Variants in GOLGA3 observed in about 807,000 individuals in gnomAD.
GOLGA3 encodes golgin subfamily A member 3.
In GOLGA3, 75 loss-of-function variants were observed where a neutral mutation model predicts 169.4. The observed-to-expected ratio is 0.44, with a 90% CI of 0.37 to 0.54. GOLGA3 has a LOEUF of 0.54. Among genes scored for constraint, GOLGA3 ranks in the 20% least tolerant of loss-of-function variants. The pLI is 0.00. For missense variants in GOLGA3, 1,899 were observed against 1,930.0 expected (o/e 0.98, Z 0.30); for synonymous variants, 824 against 822.4 (o/e 1.00, Z -0.03).
At position 132,786,803 on chromosome 12, in the gene GOLGA3, A is replaced by C. The variant is rs1337025880; in HGVS notation, c.2812-16T>G. ...ACTGCAACGACTGTGGAAGGGAAGG[A>C]GGGCGTGAGGAGCGGCACTGCCACC... On this transcript the variant is annotated splice_polypyrimidine_tract_variant and intron_variant, in intron 13 of 23. Coordinates refer to ENST00000450791, the MANE Select transcript of GOLGA3 (RefSeq NM_001389683.1). 2 of 1,557,736 alleles carry C rather than the reference A, an allele frequency of 1.3e-6. No homozygotes were observed. The highest frequency in any genetic ancestry group is 2.7e-5 in the African/African-American group (2 of 73,730).
chr12:132,769,018 C>G lies in GOLGA3; in HGVS notation c.*4087G>C, dbSNP rs1468197850. 1 of 152,668 alleles carries G rather than the reference C, an allele frequency of 6.6e-6. No individual in the cohort carries two copies. Among genetic ancestry groups the G allele is most frequent in the Admixed American group, 6.5e-5 (1 of 15,280 alleles). The allele number at this position is 152,668 out of a possible 1,614,324, so 9.5% of individuals were successfully genotyped here. A position where few individuals can be genotyped will look rare whatever the true frequency, so the allele number is the denominator to read the frequency against. ...TTTTAAAGTTACACTTTGTCAGACA[C>G]GGTGACCCCTTTCCCAAGAACAGCC... On this transcript the variant is annotated 3_prime_UTR_variant, in exon 24 of 24. Coordinates refer to ENST00000450791, the MANE Select transcript of GOLGA3 (RefSeq NM_001389683.1).
chr12:132,819,984 A>G (rs1950142894), intron 2 of GOLGA3, among the ~76,000 whole-genome samples: 1 of 152,360 alleles, frequency 6.6e-6, no homozygotes, highest in African/African-American at 2.4e-5. Flanking sequence ...GTTCAAAACC[A>G]GCCTGATCAA....
chr12:132,784,872 A>AC (rs2045817179), intron 15 of GOLGA3, among the ~76,000 whole-genome samples: 5 of 151,230 alleles, frequency 3.3e-5, no homozygotes, highest in African/African-American at 1.2e-4. Flanking sequence ...CCATGCACAC[A>AC]AACACTCCAC....
rs763923823 is a variant in GOLGA3 at position 132,796,498 on chromosome 12, C to T, written c.2100+41G>A. 5.7e-6 allele frequency: 9 copies of T among 1,582,402 alleles called. No homozygotes were observed. In the East Asian group the frequency reaches 1.3e-4, roughly 24 times the overall value. On this transcript the variant is annotated intron_variant, in intron 10 of 23. Coordinates refer to ENST00000450791, the MANE Select transcript of GOLGA3 (RefSeq NM_001389683.1). ...GTGCAGTCCTGGCTGCTCGGGATCACCTGGGGCCTGGGTCCAGCCTGAAGG... is the reference window on the plus strand; with the variant it reads ...GTGCAGTCCTGGCTGCTCGGGATCATCTGGGGCCTGGGTCCAGCCTGAAGG...
Position 132,791,201 on chromosome 12 carries a change from A to G in GOLGA3, c.2547+15T>C. ...ATGCTTGTTTCAAGTGAAGAAATCA[A>G]CAACAGATTTTTACCTTTTGTTGGA... On this transcript the variant is annotated intron_variant, in intron 12 of 23. Coordinates refer to ENST00000450791, the MANE Select transcript of GOLGA3 (RefSeq NM_001389683.1). 4 of 1,502,650 alleles carry G rather than the reference A, an allele frequency of 2.7e-6. No individual in the cohort carries two copies. The highest frequency in any genetic ancestry group is 3.7e-6 in the Non-Finnish European group (4 of 1,079,626). 93.1% of individuals were successfully genotyped at this position (1,502,650 alleles called of 1,614,324 possible). A position where few individuals can be genotyped will look rare whatever the true frequency, so the allele number is the denominator to read the frequency against.
chr12:132,786,655 C>T, intron 14 of GOLGA3, 38 bp downstream of exon 14: 1 of 1,368,620 alleles, frequency 7.3e-7, no homozygotes, highest in Non-Finnish European at 1.0e-6. Flanking sequence ...CACCTCCCAC[C>T]TGGCCCCCGC....
At chr12:132,803,504 C>T (rs1949233705) in intron 7 of GOLGA3, among the ~76,000 whole-genome samples, 1 of 152,114 alleles carries the variant, frequency 6.6e-6, no homozygotes, top group African/African-American at 2.4e-5. Context: ...GTTTTGCCAC[C>T]CCCCGATCAC....
intron 1 of GOLGA3, among the ~76,000 whole-genome samples, chr12:132,822,542 A>G (rs1950261291): frequency 1.3e-5 from 2 of 152,248 alleles, no homozygotes; most frequent in African/African-American, 2.4e-5. Flanking sequence ...ATCGGTGCCA[A>G]CTAAAGAACA....
chr12:132,775,119 G>A, intron 22 of GOLGA3, 22 bp downstream of exon 22: 2 of 1,606,376 alleles, frequency 1.2e-6, no homozygotes, highest in Non-Finnish European at 1.7e-6. Context: ...GGCTACCCCG[G>A]GAGGGACGCG....
rs2136218154 is a variant in GOLGA3, at chr12:132,770,328, A to T, written c.*2777T>A. 1 of 149,962 alleles carries T rather than the reference A, an allele frequency of 6.7e-6. No homozygotes were observed. Among genetic ancestry groups the T allele is most frequent in the Middle Eastern group, 3.4e-3 (1 of 294 alleles). 9.3% of individuals were successfully genotyped at this position (149,962 alleles called of 1,614,324 possible). ...CACGAGAGGCCTCAGATCCAGAAGCACAAGCCGTGCATGAAAACACCAAAA... is the reference window on the plus strand; with the variant it reads ...CACGAGAGGCCTCAGATCCAGAAGCTCAAGCCGTGCATGAAAACACCAAAA... On this transcript the variant is annotated 3_prime_UTR_variant, in exon 24 of 24. Coordinates refer to ENST00000450791, the MANE Select transcript of GOLGA3 (RefSeq NM_001389683.1).
chr12:132,821,865 A>C (rs7298097), intron 2 of GOLGA3, 131 bp downstream of exon 2: 179,079 of 611,094 alleles, frequency 0.29, 30,109 homozygotes, highest in Middle Eastern at 0.44. Context: ...AAAAAAAAAA[A>C]AAAAAAAAAC....
intron 2 of GOLGA3, among the ~76,000 whole-genome samples, chr12:132,818,875 C>T (rs745739418): frequency 2.0e-5 from 3 of 152,058 alleles, no homozygotes; most frequent in Non-Finnish European, 4.4e-5. Context: ...CTGGGTTGGA[C>T]CAGTGACAAT....
At position 132,802,007 on chromosome 12, in the gene GOLGA3, G is replaced by A. The variant is rs373970112; in HGVS notation, c.1598-38C>T. ...AAGCACAGCGGCTCAGGCCAGCGAC[G>A]GCCAACGGGGGAGTCCGCAGCTCCG... is the stretch of plus-strand genomic sequence containing the variant. On this transcript the variant is annotated intron_variant, in intron 7 of 23. Coordinates refer to ENST00000450791, the MANE Select transcript of GOLGA3 (RefSeq NM_001389683.1). 796 of 1,538,632 alleles carry A rather than the reference G, an allele frequency of 5.2e-4. 1 individual carries two copies. Among genetic ancestry groups the A allele is most frequent in the Non-Finnish European group, 6.4e-4 (729 of 1,130,678 alleles).
chr12:132,774,521 T>C (rs1022704428), intron 22 of GOLGA3: 2 of 613,570 alleles, frequency 3.3e-6, no homozygotes, highest in Non-Finnish European at 2.9e-6. Flanking sequence ...CCTTTATTCC[T>C]AAGGCACAAA....
rs372300072 is a variant in GOLGA3, at chr12:132,786,326, C to T, written c.3123+13G>A. ...CTGGTGACCCTGGCCGGGGATGGCA[C>T]GGTGTTACCTACATGTAGAGCCAGG... is the stretch of plus-strand genomic sequence containing the variant. On this transcript the variant is annotated intron_variant, in intron 15 of 23. Transcript: ENST00000450791. The T allele has an allele frequency of 2.8e-5, 44 of 1,554,830 alleles. No homozygotes were observed. Among genetic ancestry groups the T allele is most frequent in the South Asian group, 2.4e-4 (21 of 85,896 alleles).
intron 23 of GOLGA3, 59 bp downstream of exon 23, chr12:132,774,098 A>G: frequency 6.8e-7 from 1 of 1,468,616 alleles, no homozygotes; most frequent in Non-Finnish European, 9.1e-7. Flanking sequence ...GTGCCCTCCC[A>G]GGTAAGAGGG....
intron 8 of GOLGA3, among the ~76,000 whole-genome samples, chr12:132,799,952 G>C (rs1164851347): frequency 1.3e-5 from 2 of 152,106 alleles, no homozygotes; most frequent in Non-Finnish European, 2.9e-5. Context: ...TGTTGGCCAG[G>C]CTGGTCTTGA....
intron 17 of GOLGA3, among the ~76,000 whole-genome samples, chr12:132,781,761 G>A (rs146193213): frequency 3.3e-5 from 5 of 152,290 alleles, no homozygotes; most frequent in African/African-American, 1.2e-4. Context: ...ATTCAGAGAG[G>A]CTGTGGAGAC....
intron 8 of GOLGA3, 146 bp downstream of exon 8, chr12:132,801,621 A>T: frequency 1.3e-6 from 1 of 769,626 alleles, no homozygotes; most frequent in Non-Finnish European, 2.2e-6. Context: ...GACACGTCCT[A>T]CATGGGACAC....
Sources: gnomAD v4.1 joint callset for allele counts (sites outside exome capture counted in the v4.1 genomes callset) on GRCh38, gnomAD v4.1.1 for gene constraint, MANE v1.5 for transcripts, NCBI Gene and HGNC (gene_info 2026-07-23, HGNC 2026-07-21) for gene names.